Variants in BCL2L15 observed in about 807,000 individuals in gnomAD.
BCL2L15 encodes the protein BCL2 like 15.
BCL2L15 carries 15 observed loss-of-function variants against 18.3 expected under a neutral mutation model. That is an observed-to-expected ratio of 0.82 (90% CI 0.55 to 1.26). The LOEUF is 1.26. Ranked by LOEUF, BCL2L15 falls within the 50% of genes most tolerant of loss-of-function variation. BCL2L15 has a pLI of 0.00. For missense variants in BCL2L15, 180 were observed against 201.7 expected (o/e 0.89, Z 0.65); for synonymous variants, 58 against 68.5 (o/e 0.85, Z 0.76).
chr1:113,887,390 G>C lies in BCL2L15; in HGVS notation c.-15C>G, dbSNP rs1667072360. 2.5e-6 allele frequency: 4 copies of C among 1,613,754 alleles called. No individual in the cohort carries two copies. Among genetic ancestry groups the C allele is most frequent in the South Asian group, 2.2e-5 (2 of 91,076 alleles). ...GAGCTCTTCATTTTAGATGTTTGCT[G>C]TCAAGTTTTGCTTTTCCACGAAACA... On this transcript the variant is annotated 5_prime_UTR_variant, in exon 1 of 4. Coordinates refer to ENST00000393316, the MANE Select transcript of BCL2L15 (RefSeq NM_001010922.3).
rs12566340 is a variant in BCL2L15 at position 113,877,706 on chromosome 1, C to T, written c.*3417G>A. ...ATCTGATGGCAGTATATAGGACAGA[C>T]TGGAATGGAGCAGGAACAGAACAAT... On this transcript the variant is annotated 3_prime_UTR_variant, in exon 4 of 4. Coordinates refer to ENST00000393316, the MANE Select transcript of BCL2L15 (RefSeq NM_001010922.3). 0.21 allele frequency among the ~76,000 whole-genome samples: 32,616 copies of T among 152,004 alleles called. 4,640 individuals are homozygous for T. The highest frequency in any genetic ancestry group is 0.62 in the East Asian group (3,196 of 5,164).
In BCL2L15 at chr1:113,887,100, G is replaced by A. The variant is rs558274069; in HGVS notation, c.127+149C>T. On this transcript the variant is annotated intron_variant, in intron 1 of 3. Transcript: ENST00000393316. ...TTTAGTAGAGATGGGGTTTCACCAC[G>A]TTGGCCAGGCGGATCTCAAACCCCT... 90 of 673,352 alleles carry A rather than the reference G, an allele frequency of 1.3e-4. 1 individual carries two copies. In the East Asian group the frequency reaches 2.5e-3, roughly 19 times the overall value. The allele number at this position is 673,352 out of a possible 1,614,324, so 41.7% of individuals were successfully genotyped here.
rs375089565 is a variant in BCL2L15, at chr1:113,883,461, G to A, written c.250-1464C>T. Among the ~76,000 whole-genome samples, 148 of 143,420 alleles carry A rather than the reference G, an allele frequency of 1.0e-3. 4 individuals carry two copies. The South Asian group carries it at 0.029, about 28-fold the overall frequency. 94.1% of individuals were successfully genotyped at this position (143,420 alleles called of 152,430 possible). On this transcript the variant is annotated intron_variant, in intron 2 of 3. Coordinates refer to ENST00000393316, the MANE Select transcript of BCL2L15 (RefSeq NM_001010922.3). ...TGCGCCATTGCTCTCCTGCCTGGGC[G>A]ACAGCGCAAGACTCCGTCTCAAAAA...
At position 113,881,810 on chromosome 1, in the gene BCL2L15, T is replaced by G. The variant is rs368627778; in HGVS notation, c.437A>C (p.Gln146Pro). The change falls in exon 3 of 4, where the codon CAA (glutamine) becomes CCA (proline). Residue 146 changes from glutamine to proline, a missense_variant. Physicochemically the swap from Gln to Pro is moderately conservative, Grantham distance 76. Transcript: ENST00000393316. The part of the protein sequence containing the change: ...IPMTGMINGN[Q>P]AIREFIQGQG... Reference sequence around the variant, plus strand: ...GCCCTGGATGAACTCCCGGATGGCTTGGTTCCCATTGATCATACCCGTCAT... The same window carrying G: ...GCCCTGGATGAACTCCCGGATGGCTGGGTTCCCATTGATCATACCCGTCAT... 2 of 1,614,108 alleles carry G rather than the reference T, an allele frequency of 1.2e-6. No homozygotes were observed. The highest frequency in any genetic ancestry group is 2.7e-5 in the African/African-American group (2 of 74,940).
chr1:113,885,112 T>C (rs1308973268), intron 2 of BCL2L15, among the ~76,000 whole-genome samples: 2 of 151,900 alleles, frequency 1.3e-5, no homozygotes, highest in Admixed American at 1.3e-4. Context: ...TGTGCCACCA[T>C]GCCCAACTAA....
rs75119720 is a variant in BCL2L15 at position 113,886,806 on chromosome 1, T to G, written c.128-148A>C. ...TTAAATGTTCTGTCAACACCAATAG[T>G]CAGAAAGTTTCCCTTCATTGAGAAC... On this transcript the variant is annotated intron_variant, in intron 1 of 3. Coordinates refer to ENST00000393316, the MANE Select transcript of BCL2L15 (RefSeq NM_001010922.3). 40 of 716,590 alleles carry G rather than the reference T, an allele frequency of 5.6e-5. No individual in the cohort carries two copies. The Middle Eastern group carries it at 1.3e-3, about 23-fold the overall frequency. 44.4% of individuals were successfully genotyped at this position (716,590 alleles called of 1,614,324 possible). A position where few individuals can be genotyped will look rare whatever the true frequency, so the allele number is the denominator to read the frequency against.
chr1:113,880,572 G>A lies in BCL2L15; in HGVS notation c.*551C>T, dbSNP rs1364168395. 6.5e-6 allele frequency: 1 copy of A among 152,814 alleles called. No individual in the cohort carries two copies. Among genetic ancestry groups the A allele is most frequent in the Non-Finnish European group, 1.5e-5 (1 of 68,670 alleles). 9.5% of individuals were successfully genotyped at this position (152,814 alleles called of 1,614,324 possible). ...AACCGGGAGGTGGAGCTTGCAGTGAGCTGAGATCGCACCACTGCACTCCAG... is the reference window on the plus strand; with the variant it reads ...AACCGGGAGGTGGAGCTTGCAGTGAACTGAGATCGCACCACTGCACTCCAG... On this transcript the variant is annotated 3_prime_UTR_variant, in exon 4 of 4. Coordinates refer to ENST00000393316, the MANE Select transcript of BCL2L15 (RefSeq NM_001010922.3).
At position 113,880,973 on chromosome 1, in the gene BCL2L15, C is replaced by A; in HGVS notation, c.*150G>T. 1 of 1,148,396 alleles carries A rather than the reference C, an allele frequency of 8.7e-7. No individual in the cohort carries two copies. Among genetic ancestry groups the A allele is most frequent in the Non-Finnish European group, 1.3e-6 (1 of 795,804 alleles). The allele number at this position is 1,148,396 out of a possible 1,614,324, so 71.1% of individuals were successfully genotyped here. A position where few individuals can be genotyped will look rare whatever the true frequency, so the allele number is the denominator to read the frequency against. ...CTCTGGCAGCTGCTCCCAACTTTAA[C>A]AATCAGTAAAAAATAACTTATTCAG... On this transcript the variant is annotated 3_prime_UTR_variant, in exon 4 of 4. Transcript: ENST00000393316.
intron 2 of BCL2L15, among the ~76,000 whole-genome samples, chr1:113,886,128 A>T (rs978001886): frequency 6.0e-5 from 9 of 150,144 alleles, no homozygotes; most frequent in Non-Finnish European, 3.0e-5. Flanking sequence ...CAGTGGGAGG[A>T]TCGCTTGAGC....
In BCL2L15 at chr1:113,883,498, G is replaced by A. The variant is rs575976737; in HGVS notation, c.250-1501C>T. Among the ~76,000 whole-genome samples, 364 of 149,966 alleles carry A rather than the reference G, an allele frequency of 2.4e-3. 2 individuals are homozygous for A. Among genetic ancestry groups the A allele is most frequent in the African/African-American group, 8.3e-3 (335 of 40,512 alleles). On this transcript the variant is annotated intron_variant, in intron 2 of 3. Transcript: ENST00000393316. ...CTCCGTCTCAAAAAAAAAAAAAGGC[G>A]GGCGGTGGCTCACACCTGTAATCCT...
At position 113,886,671 on chromosome 1, in the gene BCL2L15, G is replaced by A. The variant is rs1667045481; in HGVS notation, c.128-13C>T. On this transcript the variant is annotated splice_polypyrimidine_tract_variant and intron_variant, in intron 1 of 3. Coordinates refer to ENST00000393316, the MANE Select transcript of BCL2L15 (RefSeq NM_001010922.3). The stretch of plus-strand genomic sequence containing the variant: ...GAACAAGGCTCTCCTATGACAGAGG[G>A]AACACATTTGTTACAATGCTTGAAG... The A allele has an allele frequency of 1.3e-6, 2 of 1,588,292 alleles. No homozygotes were observed. The highest frequency in any genetic ancestry group is 1.4e-5 in the African/African-American group (1 of 73,300).
In BCL2L15 at chr1:113,882,281, T is replaced by C. The variant is rs1240081681; in HGVS notation, c.250-284A>G. On this transcript the variant is annotated intron_variant, in intron 2 of 3. Transcript: ENST00000393316. ...GAAAAATGATTTGAAAGAAAAATATTAAGTATGTGATAGTCCAGCTGGTTA... is the reference window on the plus strand; with the variant it reads ...GAAAAATGATTTGAAAGAAAAATATCAAGTATGTGATAGTCCAGCTGGTTA... 2.0e-5 allele frequency among the ~76,000 whole-genome samples: 3 copies of C among 152,174 alleles called. No individual in the cohort carries two copies. In the East Asian group the frequency reaches 5.8e-4, roughly 29 times the overall value.
chr1:113,882,042 G>A (rs1372214237), intron 2 of BCL2L15, 45 bp from the exon 3 acceptor site: 1 of 1,532,012 alleles, frequency 6.5e-7, no homozygotes, highest in African/African-American at 1.4e-5. Flanking sequence ...CACTCAAAAA[G>A]TGCAGGAGGC....
rs1211931278 is a variant in BCL2L15, at chr1:113,880,346, G to A, written c.*777C>T. ...TCAACTTAAAATAACAAGATTTTAG[G>A]CCGGGCGTGGTGGCTCACGCCTGTA... On this transcript the variant is annotated 3_prime_UTR_variant, in exon 4 of 4. Transcript: ENST00000393316. 6.6e-6 allele frequency: 1 copy of A among 152,174 alleles called. No homozygotes were observed. The highest frequency in any genetic ancestry group is 1.5e-5 in the Non-Finnish European group (1 of 68,052). The allele number at this position is 152,174 out of a possible 1,614,324, so 9.4% of individuals were successfully genotyped here.
chr1:113,880,980 T>TA lies in BCL2L15; in HGVS notation c.*142dup, dbSNP rs1223683493. ...AGCTGCTCCCAACTTTAACAATCAG[T>TA]AAAAAATAACTTATTCAGCTAAGTT... On this transcript the variant is annotated 3_prime_UTR_variant, in exon 4 of 4. Coordinates refer to ENST00000393316, the MANE Select transcript of BCL2L15 (RefSeq NM_001010922.3). 1.6e-6 allele frequency: 2 copies of TA among 1,229,844 alleles called. No homozygotes were observed. The highest frequency in any genetic ancestry group is 2.5e-5 in the East Asian group (1 of 39,670). The allele number at this position is 1,229,844 out of a possible 1,614,324, so 76.2% of individuals were successfully genotyped here.
intron 2 of BCL2L15, among the ~76,000 whole-genome samples, chr1:113,882,581 G>T (rs1052253612): frequency 2.0e-5 from 3 of 152,152 alleles, no homozygotes; most frequent in African/African-American, 7.2e-5. Context: ...GGAGGCGAAG[G>T]TTGAAGTGAG....
At position 113,877,853 on chromosome 1, in the gene BCL2L15, G is replaced by GGA. The variant is rs1017499866; in HGVS notation, c.*3268_*3269dup. On this transcript the variant is annotated 3_prime_UTR_variant, in exon 4 of 4. Transcript: ENST00000393316. ...AAAAACTAGTTGGGTGAGTTGGACT[G>GGA]GAGAGAGAGAGACAAGGTAAAAATG... Among the ~76,000 whole-genome samples the GGA allele has an allele frequency of 2.6e-5, 4 of 152,186 alleles. No homozygotes were observed. Among genetic ancestry groups the GGA allele is most frequent in the African/African-American group, 4.8e-5 (2 of 41,538 alleles).
intron 2 of BCL2L15, among the ~76,000 whole-genome samples, chr1:113,882,784 T>G (rs181981521): frequency 1.5e-5 from 2 of 137,896 alleles, no homozygotes; most frequent in African/African-American, 6.4e-5. Flanking sequence ...ATGAAAAATT[T>G]TAAAAAGTAG....
intron 3 of BCL2L15, 58 bp downstream of exon 3, chr1:113,881,715 G>T: frequency 6.5e-7 from 1 of 1,537,166 alleles, no homozygotes; most frequent in Non-Finnish European, 8.8e-7. Context: ...GGAATCCCAG[G>T]TATTAGTACA....
Sources: allele counts gnomAD v4.1 joint callset (sites outside exome capture counted in the v4.1 genomes callset), GRCh38; gene constraint gnomAD v4.1.1; transcripts MANE v1.5; gene names NCBI Gene and HGNC (gene_info 2026-07-23, HGNC 2026-07-21).